Variants in FHOD3 observed in about 807,000 individuals in gnomAD.
FHOD3 encodes the protein formin homology 2 domain containing 3.
Under a neutral mutation model 173.0 loss-of-function variants are expected in FHOD3, and 90 were observed. That is an observed-to-expected ratio of 0.52 (90% CI 0.44 to 0.62). The LOEUF (loss-of-function observed/expected upper bound fraction) is 0.62, where lower values mean the gene tolerates loss of function less well. Ranked by LOEUF, FHOD3 falls within the 20% of genes least tolerant of loss-of-function variation. The probability of loss-of-function intolerance (pLI) is 0.00; values close to 1 mark genes in which losing one functional copy is unlikely to be tolerated. For synonymous variants in FHOD3, 828 were observed against 823.0 expected (o/e 1.01, Z -0.10); for missense variants, 1,945 against 2,034.7 (o/e 0.96, Z 0.85).
intron 1 of FHOD3, among the ~76,000 whole-genome samples, chr18:36,345,877 C>T (rs12968443): frequency 0.16 from 23,835 of 152,156 alleles, 2,117 homozygotes; most frequent in South Asian, 0.33. Context: ...AAAATTCAGA[C>T]AGCACAGTTA....
intron 9 of FHOD3, among the ~76,000 whole-genome samples, chr18:36,615,588 TTTAAGAATTTAATGTTTTAGTA>T (rs2033121896): frequency 6.6e-6 from 1 of 152,200 alleles, no homozygotes; most frequent in Non-Finnish European, 1.5e-5. Context: ...TCATTACATG[TTTAAGAATTTAATGTTTTAGTA>T]CAATATTCTA....
chr18:36,314,519 T>C (rs2044026666), intron 1 of FHOD3, among the ~76,000 whole-genome samples: 1 of 152,166 alleles, frequency 6.6e-6, no homozygotes, highest in South Asian at 2.1e-4. Flanking sequence ...CATCAGAGAA[T>C]AGAGCTTTAG....
rs139296974 is a variant in FHOD3, at chr18:36,767,442, C to G, written c.4625-1823C>G. ...TCAAGAGATTCTCCTGCCTCAGCCT[C>G]CTGAGTAGCTGGGACTATAGATGCA... On this transcript the variant is annotated intron_variant, in intron 27 of 28. Transcript: ENST00000590592. 6.2e-4 allele frequency among the ~76,000 whole-genome samples: 95 copies of G among 152,246 alleles called. 2 individuals are homozygous for G. The East Asian group carries it at 8.7e-3, about 14-fold the overall frequency.
intron 3 of FHOD3, among the ~76,000 whole-genome samples, chr18:36,398,850 A>T (rs754684613): frequency 1.3e-5 from 2 of 151,892 alleles, no homozygotes; most frequent in Non-Finnish European, 2.9e-5. Context: ...GGTACATTTC[A>T]GTGTGTTGTG....
chr18:36,419,558 C>T (rs142100845), intron 3 of FHOD3, among the ~76,000 whole-genome samples: 55 of 152,288 alleles, frequency 3.6e-4, no homozygotes, highest in Non-Finnish European at 5.4e-4. Flanking sequence ...AATAGGAACC[C>T]TGTAGCAACT....
intron 14 of FHOD3, among the ~76,000 whole-genome samples, chr18:36,677,133 T>C (rs1163631877): frequency 6.6e-6 from 1 of 152,140 alleles, no homozygotes; most frequent in Non-Finnish European, 1.5e-5. Context: ...AATTTATTTT[T>C]ATATTTGGTA....
At chr18:36,697,960 A>G (rs2039380524) in intron 17 of FHOD3, among the ~76,000 whole-genome samples, 1 of 152,094 alleles carries the variant, frequency 6.6e-6, no homozygotes, top group South Asian at 2.1e-4. Context: ...AGGTTATCTA[A>G]TCCACACAGC....
chr18:36,598,414 G>A (rs1224796228), intron 7 of FHOD3, among the ~76,000 whole-genome samples: 1 of 152,186 alleles, frequency 6.6e-6, no homozygotes, highest in African/African-American at 2.4e-5. Flanking sequence ...CTGCACGTGG[G>A]CTAACCAGAA....
chr18:36,576,660 C>A (rs1054459382), intron 6 of FHOD3, 115 bp downstream of exon 6: 4 of 704,072 alleles, frequency 5.7e-6, no homozygotes, highest in East Asian at 2.9e-5. Flanking sequence ...CAAGCCGTTA[C>A]AGTATAAATG....
intron 17 of FHOD3, among the ~76,000 whole-genome samples, chr18:36,704,592 C>A (rs138144837): frequency 6.6e-6 from 1 of 152,166 alleles, no homozygotes; most frequent in African/African-American, 2.4e-5. Context: ...CACTCCTGAG[C>A]CTCCCTTGAA....
chr18:36,717,888 C>A lies in FHOD3; in HGVS notation c.2590C>A (p.Leu864Ile), dbSNP rs1454466654. The stretch of plus-strand genomic sequence containing the variant: ...TGTAAATGGACAGTGTGGCGACATC[C>A]TCACCAACAAACGGTTCATGCTTGA... ...AGVNGQCGDILTNKRFMLDML... is the reference protein window; with the variant it reads ...AGVNGQCGDIITNKRFMLDML... The change falls in exon 19 of 29, where the codon CTC becomes ATC. Residue 864 changes from leucine to isoleucine, a missense_variant. Physicochemically the swap from Leu to Ile is conservative, Grantham distance 5 (BLOSUM62 2). Transcript: ENST00000590592. 1.2e-6 allele frequency: 2 copies of A among 1,611,742 alleles called. No homozygotes were observed. Among genetic ancestry groups the A allele is most frequent in the Non-Finnish European group, 1.7e-6 (2 of 1,178,872 alleles).
At chr18:36,481,319 C>G (rs1489919993) in intron 3 of FHOD3, among the ~76,000 whole-genome samples, 1 of 152,070 alleles carries the variant, frequency 6.6e-6, no homozygotes, top group Non-Finnish European at 1.5e-5. Context: ...TGAGCCAAAA[C>G]TCTCCCTAAG....
chr18:36,633,560 G>A (rs2034665222), intron 10 of FHOD3, among the ~76,000 whole-genome samples: 1 of 152,184 alleles, frequency 6.6e-6, no homozygotes, highest in Admixed American at 6.5e-5. Context: ...CCATTTTACA[G>A]GTGAGGAAAC....
At chr18:36,432,510 G>C (rs1174741119) in intron 3 of FHOD3, among the ~76,000 whole-genome samples, 1 of 152,164 alleles carries the variant, frequency 6.6e-6, no homozygotes, top group Non-Finnish European at 1.5e-5. Flanking sequence ...GAGGAGGGGA[G>C]GACCAGCAGG....
At chr18:36,557,267 C>G (rs1487500525) in intron 5 of FHOD3, among the ~76,000 whole-genome samples, 1 of 152,122 alleles carries the variant, frequency 6.6e-6, no homozygotes, top group East Asian at 1.9e-4. Flanking sequence ...CATCTTCTCT[C>G]TGTCAGGAAA....
At chr18:36,488,456 G>A (rs567719383) in intron 3 of FHOD3, among the ~76,000 whole-genome samples, 49 of 152,282 alleles carry the variant, frequency 3.2e-4, no homozygotes, top group South Asian at 2.1e-3. Flanking sequence ...TCAGGGGACC[G>A]TCTCACCACC....
At chr18:36,655,744 TCC>T (rs2036381434) in intron 13 of FHOD3, among the ~76,000 whole-genome samples, 1 of 112,306 alleles carries the variant, frequency 8.9e-6, no homozygotes, top group African/African-American at 4.3e-5. Context: ...ACCCTCACCC[TCC>T]ACACACACAC....
chr18:36,562,157 C>T (rs2058109396), intron 5 of FHOD3, among the ~76,000 whole-genome samples: 2 of 152,250 alleles, frequency 1.3e-5, no homozygotes, highest in Non-Finnish European at 2.9e-5. Context: ...GCTGGGATTA[C>T]AGGCACCCAC....
chr18:36,515,943 C>G (rs2055949927), intron 5 of FHOD3, among the ~76,000 whole-genome samples: 1 of 152,194 alleles, frequency 6.6e-6, no homozygotes, highest in African/African-American at 2.4e-5. Flanking sequence ...CCAATTGTCA[C>G]CACATTTTGA....
Sources: gnomAD v4.1 joint callset for allele counts (sites outside exome capture counted in the v4.1 genomes callset) on GRCh38, gnomAD v4.1.1 for gene constraint, MANE v1.5 for transcripts, NCBI Gene and HGNC (gene_info 2026-07-23, HGNC 2026-07-21) for gene names.